Variants in FYTTD1 observed in about 807,000 individuals in gnomAD.
The protein encoded by FYTTD1 is forty-two-three domain containing 1, also known as UAP56-interacting factor.
Under a neutral mutation model 40.9 loss-of-function variants are expected in FYTTD1, and 22 were observed. The observed-to-expected ratio is 0.54, with a 90% confidence interval of 0.38 to 0.77. The LOEUF (loss-of-function observed/expected upper bound fraction) is 0.77. Among genes scored for constraint, FYTTD1 ranks in the 30% least tolerant of loss-of-function variants. The pLI is 0.00. For synonymous variants in FYTTD1, 140 were observed against 137.9 expected, an observed-to-expected ratio of 1.01 and a Z score of -0.10; for missense variants, 351 against 392.2, an observed-to-expected ratio of 0.90 and a Z score of 0.89.
intron 8 of FYTTD1, among the ~76,000 whole-genome samples, chr3:197,780,127 AT>A (rs1485141962): frequency 6.2e-5 from 8 of 129,222 alleles, no homozygotes; most frequent in African/African-American, 2.5e-4. Context: ...AGGCACACAC[AT>A]CAGCACACCT....
intron 5 of FYTTD1, 24 bp downstream of exon 5, chr3:197,773,523 TTTTG>T (rs3830497): frequency 2.3e-5 from 23 of 1,012,598 alleles, no homozygotes; most frequent in East Asian, 5.8e-5. Context: ...TTGGCAGTGT[TTTTG>T]TTTGTTTGTT....
At chr3:197,779,661 G>A (rs1173060864) in intron 8 of FYTTD1, among the ~76,000 whole-genome samples, 11 of 150,510 alleles carry the variant, frequency 7.3e-5, no homozygotes, top group African/African-American at 2.7e-4. Context: ...CAGCCTCCTG[G>A]GTAGCTGGGG....
chr3:197,779,118 A>G (rs1304298054), intron 8 of FYTTD1, among the ~76,000 whole-genome samples: 1 of 152,208 alleles, frequency 6.6e-6, no homozygotes, highest in Non-Finnish European at 1.5e-5. Context: ...GGTTAATAAC[A>G]AAATTGTCAA....
chr3:197,768,584 C>G lies in FYTTD1; in HGVS notation c.381C>G (p.Asp127Glu), dbSNP rs1263684894. The change falls in exon 3 of 9, where the codon GAC (aspartate) becomes GAG (glutamate). Residue 127 changes from aspartate (D) to glutamate (E), a missense_variant. By Grantham distance (45) the Asp-to-Glu change is conservative. Transcript: ENST00000241502. ...ISPMNRPPLSDKNIEQYFPVL... is the reference protein window; with the variant it reads ...ISPMNRPPLSEKNIEQYFPVL... ...CTATGAATCGTCCACCTCTAAGTGACAAGGTAGGATGATGGCTTAATCCTG... is the reference window on the plus strand; with the variant it reads ...CTATGAATCGTCCACCTCTAAGTGAGAAGGTAGGATGATGGCTTAATCCTG... The G allele has an allele frequency of 6.2e-7, 1 of 1,612,266 alleles. No individual in the cohort carries two copies. Among genetic ancestry groups the G allele is most frequent in the Non-Finnish European group, 8.5e-7 (1 of 1,178,988 alleles).
intron 2 of FYTTD1, among the ~76,000 whole-genome samples, chr3:197,763,858 C>T (rs1729462941): frequency 6.6e-6 from 1 of 152,174 alleles, no homozygotes; most frequent in African/African-American, 2.4e-5. Context: ...ATAGATTAGT[C>T]TTGGGATTCA....
rs1445966564 is a variant in FYTTD1, at chr3:197,768,537, G to A, written c.334G>A (p.Gly112Arg). 1.9e-6 allele frequency: 3 copies of A among 1,613,618 alleles called. No homozygotes were observed. In the African/African-American group the frequency reaches 4.0e-5, roughly 22 times the overall value. The part of the protein sequence containing the change: ...ITGLAARKTT[G>R]IRKGISPMNR... ...TGGCCTTGCAGCTAGGAAAACGACT[G>A]GAATTCGAAAAGGAATTAGTCCTAT... The change falls in exon 3 of 9, where the codon GGA becomes AGA. Residue 112 changes from glycine (G) to arginine (R), a missense_variant. Physicochemically the swap from Gly to Arg is moderately radical, Grantham distance 125 (BLOSUM62 -2). Coordinates refer to ENST00000241502, the MANE Select transcript of FYTTD1 (RefSeq NM_032288.7).
rs921744774 is a variant in FYTTD1 at position 197,782,207 on chromosome 3, T to C, written c.*298T>C. The C allele has an allele frequency of 9.7e-6, 2 of 205,592 alleles. No homozygotes were observed. Among genetic ancestry groups the C allele is most frequent in the South Asian group, 1.7e-4 (1 of 5,758 alleles). The allele number at this position is 205,592 out of a possible 1,614,324, so 12.7% of individuals were successfully genotyped here. ...CAGAAGGAAGACAGAAAGATAGAAA[T>C]TGATTATTTTTATGATAGCAGTATT... On this transcript the variant is annotated 3_prime_UTR_variant, in exon 9 of 9. Transcript: ENST00000241502.
chr3:197,777,546 T>C (rs1729910803), intron 7 of FYTTD1, among the ~76,000 whole-genome samples: 1 of 152,092 alleles, frequency 6.6e-6, no homozygotes, highest in East Asian at 1.9e-4. Flanking sequence ...ACCCAATATA[T>C]ATATTTTTGT....
At position 197,755,611 on chromosome 3, in the gene FYTTD1, A is replaced by AATTTATTTATTT. The variant is rs10554264; in HGVS notation, c.104-778_104-767dup. On this transcript the variant is annotated intron_variant, in intron 1 of 8. Coordinates refer to ENST00000241502, the MANE Select transcript of FYTTD1 (RefSeq NM_032288.7). ...CAGGCATGCACCGCCATACCCGGCT[A>AATTTATTTATTT]ATTTATTTATTTATTTATTTATTTA... 1.4e-3 allele frequency: 275 copies of AATTTATTTATTT among 201,168 alleles called. 3 individuals carry two copies. The highest frequency in any genetic ancestry group is 1.7e-3 in the East Asian group (16 of 9,208). 12.5% of individuals were successfully genotyped at this position (201,168 alleles called of 1,614,324 possible).
chr3:197,765,513 A>T (rs1205960589), intron 2 of FYTTD1, among the ~76,000 whole-genome samples: 1 of 152,102 alleles, frequency 6.6e-6, no homozygotes, highest in African/African-American at 2.4e-5. Flanking sequence ...ATCTTCATCT[A>T]GTTGCAATTT....
intron 1 of FYTTD1, among the ~76,000 whole-genome samples, chr3:197,752,151 G>T (rs563262172): frequency 6.6e-6 from 1 of 152,136 alleles, no homozygotes; most frequent in African/African-American, 2.4e-5. Flanking sequence ...GGCGTGAGCC[G>T]CCGCACCCGG....
intron 2 of FYTTD1, among the ~76,000 whole-genome samples, chr3:197,764,862 G>GT (rs145696764): frequency 0.024 from 3,629 of 149,904 alleles, 120 homozygotes; most frequent in African/African-American, 0.083. Context: ...TTTTTTTTTG[G>GT]GGGGGGAGGA....
chr3:197,785,190 A>C lies in FYTTD1; in HGVS notation c.*3281A>C, dbSNP rs1730127749. On this transcript the variant is annotated 3_prime_UTR_variant, in exon 9 of 9. Coordinates refer to ENST00000241502, the MANE Select transcript of FYTTD1 (RefSeq NM_032288.7). ...GTTCCTAATCAGATATGCATTTTTTAAAAACAGGCATAAACTCTTCACCAC... is the reference window on the plus strand; with the variant it reads ...GTTCCTAATCAGATATGCATTTTTTCAAAACAGGCATAAACTCTTCACCAC... The C allele has an allele frequency of 6.6e-6, 1 of 152,202 alleles. No individual in the cohort carries two copies. Among genetic ancestry groups the C allele is most frequent in the Admixed American group, 6.5e-5 (1 of 15,284 alleles). The allele number at this position is 152,202 out of a possible 1,614,324, so 9.4% of individuals were successfully genotyped here.
At chr3:197,780,849 C>CT (rs974769045) in intron 8 of FYTTD1, among the ~76,000 whole-genome samples, 12 of 150,576 alleles carry the variant, frequency 8.0e-5, no homozygotes, top group African/African-American at 7.3e-5. Flanking sequence ...GGCCCAGTTT[C>CT]TTTTTTTTTA....
In FYTTD1 at chr3:197,784,234, T is replaced by A. The variant is rs1048715171; in HGVS notation, c.*2325T>A. 6.6e-6 allele frequency: 1 copy of A among 152,466 alleles called. No homozygotes were observed. Among genetic ancestry groups the A allele is most frequent in the Non-Finnish European group, 1.5e-5 (1 of 68,032 alleles). The allele number at this position is 152,466 out of a possible 1,614,324, so 9.4% of individuals were successfully genotyped here. A position where few individuals can be genotyped will look rare whatever the true frequency, so the allele number is the denominator to read the frequency against. Reference sequence around the variant, plus strand: ...TACTTTTTGGTGTTTTTTGGAAAAGTTACATTTAGATCTATTCTGAAGCTG... The same window carrying A: ...TACTTTTTGGTGTTTTTTGGAAAAGATACATTTAGATCTATTCTGAAGCTG... On this transcript the variant is annotated 3_prime_UTR_variant, in exon 9 of 9. Transcript: ENST00000241502.
At chr3:197,764,301 T>C (rs1729474313) in intron 2 of FYTTD1, among the ~76,000 whole-genome samples, 1 of 152,236 alleles carries the variant, frequency 6.6e-6, no homozygotes, top group African/African-American at 2.4e-5. Context: ...TCTTACTTTA[T>C]GTAATGTGAC....
intron 2 of FYTTD1, among the ~76,000 whole-genome samples, chr3:197,759,356 G>A (rs1729301897): frequency 6.6e-6 from 1 of 151,924 alleles, no homozygotes; most frequent in African/African-American, 2.4e-5. Flanking sequence ...TTGTTCCTCA[G>A]TGGTAGAATG....
At chr3:197,770,670 C>T (rs1275581894) in intron 4 of FYTTD1, among the ~76,000 whole-genome samples, 1 of 152,074 alleles carries the variant, frequency 6.6e-6, no homozygotes. Flanking sequence ...ACATCAGCCT[C>T]CTGAGTAGCT....
In FYTTD1 at chr3:197,781,951, T is replaced by C. The variant is rs377398293; in HGVS notation, c.*42T>C. The C allele has an allele frequency of 2.5e-6, 3 of 1,207,222 alleles. No homozygotes were observed. The African/African-American group carries it at 4.5e-5, about 18-fold the overall frequency. The allele number at this position is 1,207,222 out of a possible 1,614,324, so 74.8% of individuals were successfully genotyped here. A position where few individuals can be genotyped will look rare whatever the true frequency, so the allele number is the denominator to read the frequency against. On this transcript the variant is annotated 3_prime_UTR_variant, in exon 9 of 9. Coordinates refer to ENST00000241502, the MANE Select transcript of FYTTD1 (RefSeq NM_032288.7). The stretch of plus-strand genomic sequence containing the variant: ...ACTTTTGAGTGATGACTCTGAGAAG[T>C]TGAATTGCTTGAAGAGTTCATCACG...
Sources: gnomAD v4.1 joint callset for allele counts (sites outside exome capture counted in the v4.1 genomes callset) on GRCh38, gnomAD v4.1.1 for gene constraint, MANE v1.5 for transcripts, NCBI Gene and HGNC (gene_info 2026-07-23, HGNC 2026-07-21) for gene names.